ULK4: variants seen among roughly 807,000 people sequenced by gnomAD.
The protein encoded by ULK4 is unc-51 like kinase 4.
In ULK4, 133 loss-of-function variants were observed where a neutral mutation model predicts 160.6. The observed-to-expected ratio is 0.83, with a 90% CI of 0.72 to 0.96. ULK4 has a LOEUF of 0.96. ULK4 is among the 40% of genes least tolerant of loss of function. The pLI is 0.00. For synonymous variants in ULK4, 534 were observed against 539.8 expected (o/e 0.99, Z 0.15); for missense variants, 1,580 against 1,499.5 (o/e 1.05, Z -0.89).
At chr3:41,880,716 G>A (rs891572520) in intron 17 of ULK4, among the ~76,000 whole-genome samples, 2 of 152,144 alleles carry the variant, frequency 1.3e-5, no homozygotes, top group Non-Finnish European at 2.9e-5. Context: ...TTGAGGCCAG[G>A]AGTTCAAGAC....
intron 35 of ULK4, among the ~76,000 whole-genome samples, chr3:41,395,436 T>C (rs1364731278): frequency 1.3e-5 from 2 of 152,150 alleles, no homozygotes; most frequent in East Asian, 3.8e-4. Context: ...CAATGGATTA[T>C]TAGCCCTAAA....
chr3:41,541,520 T>C (rs185199971), intron 32 of ULK4, among the ~76,000 whole-genome samples: 109 of 152,350 alleles, frequency 7.2e-4, no homozygotes, highest in African/African-American at 2.6e-3. Context: ...GGCTCTTTTC[T>C]GGTCCCGTAT....
intron 17 of ULK4, among the ~76,000 whole-genome samples, chr3:41,879,017 G>T (rs1697414012): frequency 6.6e-6 from 1 of 152,184 alleles, no homozygotes; most frequent in Admixed American, 6.5e-5. Context: ...GTGCAGTAAA[G>T]CTTCTGGTAT....
intron 2 of ULK4, among the ~76,000 whole-genome samples, chr3:41,946,028 G>A (rs1291015518): frequency 1.4e-5 from 1 of 72,676 alleles, no homozygotes; most frequent in African/African-American, 2.8e-5. Flanking sequence ...TGGGAAGAAA[G>A]AGACGGGCAG....
intron 30 of ULK4, among the ~76,000 whole-genome samples, chr3:41,646,212 T>C (rs2034481527): frequency 6.6e-6 from 1 of 152,214 alleles, no homozygotes; most frequent in Admixed American, 6.5e-5. Flanking sequence ...AATATTGTTA[T>C]GTGTGAATTT....
intron 31 of ULK4, among the ~76,000 whole-genome samples, chr3:41,581,467 T>C (rs1325821787): frequency 1.3e-5 from 2 of 152,206 alleles, no homozygotes; most frequent in Non-Finnish European, 2.9e-5. Context: ...CTTTACAAAA[T>C]AATATGTGAA....
rs146156119 is a variant in ULK4 at position 41,729,912 on chromosome 3, A to C, written c.2322-12051T>G. On this transcript the variant is annotated intron_variant, in intron 22 of 36. Transcript: ENST00000301831. ...CAAAGCCAACAAACCCAACACAACC[A>C]ATGTCATAGGACAGATTTTCAAAAT... Among the ~76,000 whole-genome samples, 4 of 152,338 alleles carry C rather than the reference A, an allele frequency of 2.6e-5. No homozygotes were observed. In the East Asian group the frequency reaches 7.7e-4, roughly 29 times the overall value.
intron 34 of ULK4, among the ~76,000 whole-genome samples, chr3:41,453,730 ATTATTG>A (rs1341457665): frequency 6.6e-6 from 1 of 152,098 alleles, no homozygotes; most frequent in Admixed American, 6.6e-5. Flanking sequence ...GTCTTGCATT[ATTATTG>A]TTATTGTTCA....
intron 35 of ULK4, among the ~76,000 whole-genome samples, chr3:41,267,305 C>T (rs895824932): frequency 6.6e-5 from 10 of 152,058 alleles, no homozygotes; most frequent in South Asian, 2.1e-4. Flanking sequence ...AGGATGATGG[C>T]TTCCAGCTTC....
intron 31 of ULK4, among the ~76,000 whole-genome samples, chr3:41,600,612 CAG>C (rs1245839388): frequency 2.0e-5 from 3 of 152,244 alleles, no homozygotes; most frequent in Admixed American, 2.0e-4. Flanking sequence ...TCATGCTCAA[CAG>C]AGTGTCCCCT....
At chr3:41,504,477 G>A (rs139239937) in intron 32 of ULK4, among the ~76,000 whole-genome samples, 5 of 152,304 alleles carry the variant, frequency 3.3e-5, no homozygotes, top group African/African-American at 1.2e-4. Context: ...ATTGACATAT[G>A]CAAATATGGA....
intron 30 of ULK4, among the ~76,000 whole-genome samples, chr3:41,643,033 G>A (rs931397179): frequency 3.3e-5 from 5 of 152,174 alleles, no homozygotes; most frequent in Admixed American, 3.3e-4. Flanking sequence ...GTTTTTGATG[G>A]GGTTGTTTGT....
At chr3:41,841,609 C>A (rs113471865) in intron 17 of ULK4, among the ~76,000 whole-genome samples, 27,673 of 152,008 alleles carry the variant, frequency 0.18, 2,598 homozygotes, top group Middle Eastern at 0.32. Context: ...GCCAGGCCGC[C>A]CCATCTGGGA....
At chr3:41,343,295 C>CT (rs55691966) in intron 35 of ULK4, among the ~76,000 whole-genome samples, 2,179 of 85,354 alleles carry the variant, frequency 0.026, 188 homozygotes, top group Non-Finnish European at 0.032. Context: ...AGCCCAAAAA[C>CT]TTTTTTTTTT....
intron 2 of ULK4, among the ~76,000 whole-genome samples, chr3:41,947,522 G>A (rs1041703595): frequency 5.9e-5 from 9 of 152,164 alleles, no homozygotes; most frequent in Admixed American, 2.0e-4. Context: ...TGGAGAGGGG[G>A]CATTGGTACC....
chr3:41,431,789 CTTTTCTTTTTT>C (rs1321128109), intron 34 of ULK4, among the ~76,000 whole-genome samples: 2 of 107,454 alleles, frequency 1.9e-5, no homozygotes, highest in Non-Finnish European at 1.9e-5. Flanking sequence ...TTTCCTTTTT[CTTTTCTTTTTT>C]TTTTTTTGAG....
At chr3:41,598,445 C>T (rs1249166856) in intron 31 of ULK4, among the ~76,000 whole-genome samples, 2 of 152,038 alleles carry the variant, frequency 1.3e-5, no homozygotes, top group African/African-American at 4.8e-5. Flanking sequence ...CCAGAGCATG[C>T]GAGTAATATA....
At chr3:41,539,382 A>AC (rs2086622179) in intron 32 of ULK4, among the ~76,000 whole-genome samples, 1 of 152,058 alleles carries the variant, frequency 6.6e-6, no homozygotes. Flanking sequence ...ACTCTGTACC[A>AC]CCTACTTGCT....
chr3:41,728,653 G>C (rs568221234), intron 22 of ULK4, among the ~76,000 whole-genome samples: 1 of 152,260 alleles, frequency 6.6e-6, no homozygotes, highest in East Asian at 1.9e-4. Flanking sequence ...GATTATGAGA[G>C]AGGAAACTGA....
Sources: gnomAD v4.1 joint callset for allele counts (sites outside exome capture counted in the v4.1 genomes callset) on GRCh38, gnomAD v4.1.1 for gene constraint, MANE v1.5 for transcripts, NCBI Gene and HGNC (gene_info 2026-07-23, HGNC 2026-07-21) for gene names.